NFATC1: variants seen among roughly 807,000 people sequenced by gnomAD.
The protein encoded by NFATC1 is nuclear factor of activated T cells 1.
A neutral mutation model predicts 76.0 loss-of-function variants in NFATC1; 22 were observed. That is an observed-to-expected ratio of 0.29 (90% CI 0.21 to 0.41). The LOEUF (loss-of-function observed/expected upper bound fraction) is 0.41. Among genes scored for constraint, NFATC1 ranks in the 10% least tolerant of loss-of-function variants. The pLI is 1.00. For synonymous variants in NFATC1, 704 were observed against 613.1 expected (o/e 1.15, Z -2.19); for missense variants, 1,357 against 1,337.7 (o/e 1.01, Z -0.23).
At position 79,396,247 on chromosome 18, in the gene NFATC1, T is replaced by A. The variant is rs769309552; in HGVS notation, c.23T>A (p.Val8Asp). 4 of 1,496,428 alleles carry A rather than the reference T, an allele frequency of 2.7e-6. No individual in the cohort carries two copies. The highest frequency in any genetic ancestry group is 3.6e-6 in the Non-Finnish European group (4 of 1,115,730). 92.7% of individuals were successfully genotyped at this position (1,496,428 alleles called of 1,614,324 possible). Residue 8 changes from valine (V) to aspartate (D), a missense_variant, in exon 1 of 10, where the codon GTC becomes GAC. By Grantham distance (152) the Val-to-Asp change is radical (BLOSUM62 -3). Transcript: ENST00000427363. Reference protein sequence around the residue: MPSTSFPVPSKFPLGPAA... With the variant: MPSTSFPDPSKFPLGPAA... Reference sequence around the variant, plus strand: ...CGGATGCCAAGCACCAGCTTTCCAGTCCCTTCCAAGTTTCCACTTGGCCCT... The same window carrying A: ...CGGATGCCAAGCACCAGCTTTCCAGACCCTTCCAAGTTTCCACTTGGCCCT...
intron 2 of NFATC1, among the ~76,000 whole-genome samples, chr18:79,416,452 A>G (rs2085878504): frequency 6.9e-6 from 1 of 144,102 alleles, no homozygotes; most frequent in South Asian, 2.1e-4. Flanking sequence ...TAGTGGGGCC[A>G]TCTCTGGGCT....
chr18:79,402,249 C>T (rs1446346834), intron 1 of NFATC1: 1 of 802,026 alleles, frequency 1.2e-6, no homozygotes, highest in Admixed American at 6.2e-5. Flanking sequence ...CCCTCGAGGC[C>T]TAGTCTCACA....
intron 8 of NFATC1, among the ~76,000 whole-genome samples, chr18:79,471,889 A>AAGGGAAG (rs2088801540): frequency 6.6e-6 from 1 of 152,182 alleles, no homozygotes; most frequent in South Asian, 2.1e-4. Context: ...CGTCACGAAG[A>AAGGGAAG]AGGGAAGACG....
chr18:79,498,349 TTAAA>T (rs1236766656), intron 9 of NFATC1: 1 of 143,760 alleles, frequency 7.0e-6, no homozygotes, highest in Non-Finnish European at 1.5e-5. Context: ...AATGAGATTT[TTAAA>T]AAAAAAAAAA....
rs1406130718 is a variant in NFATC1 at position 79,527,803 on chromosome 18, A to G, written c.*226A>G. ...CTGGAGGAGAAGTCATCTCATGACA[A>G]CAGAAGGGAGGTGGCCGGGCTGAGC... On this transcript the variant is annotated 3_prime_UTR_variant, in exon 10 of 10. Coordinates refer to ENST00000427363, the MANE Select transcript of NFATC1 (RefSeq NM_001278669.2). 1.2e-5 allele frequency: 7 copies of G among 580,176 alleles called. No homozygotes were observed. Among genetic ancestry groups the G allele is most frequent in the Middle Eastern group, 8.9e-4 (2 of 2,238 alleles). The allele number at this position is 580,176 out of a possible 1,614,324, so 35.9% of individuals were successfully genotyped here.
chr18:79,459,602 C>G (rs2087947619), intron 6 of NFATC1, among the ~76,000 whole-genome samples: 1 of 152,138 alleles, frequency 6.6e-6, no homozygotes, highest in African/African-American at 2.4e-5. Context: ...AGGGAAGTTC[C>G]TAGGGAAGCT....
intron 7 of NFATC1, among the ~76,000 whole-genome samples, chr18:79,466,990 A>G (rs532065380): frequency 8.5e-4 from 130 of 152,332 alleles, no homozygotes; most frequent in South Asian, 2.1e-3. Context: ...CCCCTTGCCC[A>G]GGTGGCCCCG....
chr18:79,447,351 A>C (rs895079466), intron 3 of NFATC1, among the ~76,000 whole-genome samples: 13 of 152,208 alleles, frequency 8.5e-5, no homozygotes, highest in Non-Finnish European at 1.6e-4. Context: ...GGTCAGGGGC[A>C]GGCGTCGCAT....
At chr18:79,429,868 A>G (rs562807070) in intron 2 of NFATC1, among the ~76,000 whole-genome samples, 5 of 152,374 alleles carry the variant, frequency 3.3e-5, no homozygotes, top group Admixed American at 3.3e-4. Context: ...CGTCGGGTCA[A>G]CGGCGGACTT....
intron 3 of NFATC1, among the ~76,000 whole-genome samples, chr18:79,437,812 C>T (rs2086835708): frequency 6.6e-6 from 1 of 152,250 alleles, no homozygotes; most frequent in Non-Finnish European, 1.5e-5. Flanking sequence ...CGCGAGTGCT[C>T]TGGGTGGCTG....
intron 9 of NFATC1, 55 bp downstream of exon 9, chr18:79,486,992 T>C: frequency 2.0e-6 from 3 of 1,521,724 alleles, no homozygotes; most frequent in Non-Finnish European, 1.8e-6. Flanking sequence ...TGGCGTGAGC[T>C]CATGGAGGGG....
intron 3 of NFATC1, among the ~76,000 whole-genome samples, chr18:79,436,982 C>T (rs1356997498): frequency 1.3e-5 from 2 of 152,184 alleles, no homozygotes; most frequent in Non-Finnish European, 2.9e-5. Flanking sequence ...TGAGGCCACC[C>T]CCATTACGGC....
chr18:79,398,627 C>A (rs2085080888), intron 1 of NFATC1, among the ~76,000 whole-genome samples: 1 of 152,252 alleles, frequency 6.6e-6, no homozygotes, highest in Non-Finnish European at 1.5e-5. Context: ...AGGACAGCAG[C>A]AGTGAGCCTC....
intron 6 of NFATC1, among the ~76,000 whole-genome samples, chr18:79,454,213 G>A (rs984344730): frequency 5.3e-5 from 8 of 152,194 alleles, no homozygotes; most frequent in Admixed American, 1.3e-4. Flanking sequence ...TGCTCATTCC[G>A]AGGGTGCAGA....
intron 9 of NFATC1, among the ~76,000 whole-genome samples, chr18:79,510,237 C>G (rs1425401636): frequency 6.6e-6 from 1 of 152,146 alleles, no homozygotes; most frequent in Non-Finnish European, 1.5e-5. Flanking sequence ...CTGGGTCATG[C>G]CCCCGTGCGG....
intron 9 of NFATC1, among the ~76,000 whole-genome samples, chr18:79,516,972 A>G (rs2090400928): frequency 6.6e-6 from 1 of 152,260 alleles, no homozygotes; most frequent in African/African-American, 2.4e-5. Context: ...CAATGAAACC[A>G]TAAAACAGTC....
At chr18:79,454,297 C>T (rs778597029) in intron 6 of NFATC1, among the ~76,000 whole-genome samples, 6 of 152,228 alleles carry the variant, frequency 3.9e-5, no homozygotes, top group Non-Finnish European at 8.8e-5. Flanking sequence ...CTCTGGAGTA[C>T]GTAGGAAGCT....
chr18:79,514,516 T>C (rs1264821584), intron 9 of NFATC1, among the ~76,000 whole-genome samples: 1 of 130,916 alleles, frequency 7.6e-6, no homozygotes, highest in African/African-American at 3.0e-5. Flanking sequence ...CAGTGAGCTG[T>C]GATCGAACCA....
At chr18:79,502,466 C>T (rs1337491568) in intron 9 of NFATC1, among the ~76,000 whole-genome samples, 1 of 152,160 alleles carries the variant, frequency 6.6e-6, no homozygotes, top group Non-Finnish European at 1.5e-5. Context: ...AAAATAAAAA[C>T]TTGATAAATG....
Sources: gnomAD v4.1 joint callset for allele counts (sites outside exome capture counted in the v4.1 genomes callset) on GRCh38, gnomAD v4.1.1 for gene constraint, MANE v1.5 for transcripts, NCBI Gene and HGNC (gene_info 2026-07-23, HGNC 2026-07-21) for gene names.